STAC: variants seen among roughly 807,000 people sequenced by gnomAD.
STAC encodes the protein SH3 and cysteine-rich domain-containing protein.
A neutral mutation model predicts 48.8 loss-of-function variants in STAC; 43 were observed. The observed-to-expected ratio is 0.88, with a 90% CI of 0.69 to 1.14. STAC has a LOEUF of 1.14. Ranked by LOEUF, STAC falls within the 50% of genes most tolerant of loss-of-function variation. The pLI is 0.00. For missense variants in STAC, 497 were observed against 504.0 expected (o/e 0.99, Z 0.13); for synonymous variants, 193 against 179.5 (o/e 1.07, Z -0.60).
intron 1 of STAC, among the ~76,000 whole-genome samples, chr3:36,384,852 A>G (rs1559472783): frequency 6.6e-6 from 1 of 152,196 alleles, no homozygotes; most frequent in South Asian, 2.1e-4. Flanking sequence ...CTAACCATGA[A>G]GACGTGCCCT....
intron 1 of STAC, among the ~76,000 whole-genome samples, chr3:36,389,305 C>T (rs1270743977): frequency 6.6e-6 from 1 of 152,066 alleles, no homozygotes; most frequent in African/African-American, 2.4e-5. Context: ...CAGCAGAGGG[C>T]CTGTTTCCTG....
At chr3:36,524,653 A>C (rs1460504442) in intron 8 of STAC, among the ~76,000 whole-genome samples, 1 of 152,148 alleles carries the variant, frequency 6.6e-6, no homozygotes, top group Non-Finnish European at 1.5e-5. Flanking sequence ...TGTTACACAG[A>C]GTGGTTTCAT....
intron 1 of STAC, among the ~76,000 whole-genome samples, chr3:36,401,335 G>A (rs1007380127): frequency 7.2e-5 from 11 of 152,168 alleles, no homozygotes; most frequent in African/African-American, 2.7e-4. Flanking sequence ...TATTCTTAGA[G>A]GGTTTCTTAT....
At chr3:36,539,454 T>C (rs1391179274) in intron 10 of STAC, among the ~76,000 whole-genome samples, 3 of 152,184 alleles carry the variant, frequency 2.0e-5, no homozygotes, top group Non-Finnish European at 4.4e-5. Context: ...GAACATGCAG[T>C]ATTTTTTTGG....
At chr3:36,535,115 C>A (rs561955404) in intron 10 of STAC, among the ~76,000 whole-genome samples, 1 of 152,124 alleles carries the variant, frequency 6.6e-6, no homozygotes, top group Non-Finnish European at 1.5e-5. Context: ...GCATGGGATG[C>A]TTTTCCATTT....
At chr3:36,474,292 A>G (rs1469919882) in intron 2 of STAC, among the ~76,000 whole-genome samples, 1 of 152,244 alleles carries the variant, frequency 6.6e-6, no homozygotes, top group Non-Finnish European at 1.5e-5. Flanking sequence ...GGGCCAGGAT[A>G]GTTGCAGCCC....
intron 2 of STAC, among the ~76,000 whole-genome samples, chr3:36,479,325 T>C (rs1697582444): frequency 6.6e-6 from 1 of 152,182 alleles, no homozygotes; most frequent in Non-Finnish European, 1.5e-5. Flanking sequence ...TCCAAGTTGC[T>C]ACTGAGAAAT....
chr3:36,439,988 T>G (rs1262554424), intron 1 of STAC, among the ~76,000 whole-genome samples: 1 of 152,252 alleles, frequency 6.6e-6, no homozygotes, highest in African/African-American at 2.4e-5. Context: ...TAGTTTGAGC[T>G]GTAGGGCAGA....
intron 2 of STAC, among the ~76,000 whole-genome samples, chr3:36,455,057 A>G (rs1455580557): frequency 1.3e-5 from 2 of 152,242 alleles, no homozygotes; most frequent in Non-Finnish European, 2.9e-5. Context: ...CAGTGACTAA[A>G]TAATAGACCA....
chr3:36,475,208 T>C (rs1339097548), intron 2 of STAC, among the ~76,000 whole-genome samples: 7 of 152,176 alleles, frequency 4.6e-5, no homozygotes, highest in African/African-American at 1.7e-4. Context: ...CTCCACATCA[T>C]TACTTCACAT....
At chr3:36,514,776 T>G (rs1698629769) in intron 8 of STAC, among the ~76,000 whole-genome samples, 1 of 152,178 alleles carries the variant, frequency 6.6e-6, no homozygotes, top group Non-Finnish European at 1.5e-5. Flanking sequence ...GGCTCATGCC[T>G]GTAATCCCAA....
chr3:36,391,564 C>T (rs1047334029), intron 1 of STAC, among the ~76,000 whole-genome samples: 1 of 152,172 alleles, frequency 6.6e-6, no homozygotes, highest in African/African-American at 2.4e-5. Flanking sequence ...CCCGTTTCTT[C>T]TTCTGTGCTC....
At chr3:36,389,952 T>C (rs150580595) in intron 1 of STAC, among the ~76,000 whole-genome samples, 2 of 141,366 alleles carry the variant, frequency 1.4e-5, no homozygotes, top group Non-Finnish European at 3.1e-5. Context: ...CCTCTGTAAC[T>C]ATAATTCTCT....
intron 1 of STAC, among the ~76,000 whole-genome samples, chr3:36,399,898 C>T (rs1366477681): frequency 4.6e-5 from 7 of 152,166 alleles, no homozygotes; most frequent in African/African-American, 1.4e-4. Flanking sequence ...GCTAATTCTA[C>T]GACTTAGGCA....
chr3:36,453,204 C>T (rs552644569), intron 2 of STAC, among the ~76,000 whole-genome samples: 1 of 152,258 alleles, frequency 6.6e-6, no homozygotes, highest in Non-Finnish European at 1.5e-5. Context: ...AGCCCTTGCT[C>T]GCTCCCGGCG....
chr3:36,394,728 A>G (rs1004545573), intron 1 of STAC, among the ~76,000 whole-genome samples: 5 of 151,964 alleles, frequency 3.3e-5, no homozygotes, highest in Admixed American at 6.6e-5. Flanking sequence ...AAAACTCTGT[A>G]TCTACTAAAA....
intron 1 of STAC, among the ~76,000 whole-genome samples, chr3:36,424,099 C>T (rs1700509730): frequency 6.6e-6 from 1 of 152,100 alleles, no homozygotes. Context: ...TGACAGGCAG[C>T]ATGTAGCTGA....
At chr3:36,391,215 TCTCA>T (rs1440809973) in intron 1 of STAC, among the ~76,000 whole-genome samples, 2 of 152,190 alleles carry the variant, frequency 1.3e-5, no homozygotes, top group Non-Finnish European at 2.9e-5. Context: ...TCTTTCAATC[TCTCA>T]CTCTTACTTG....
intron 6 of STAC, among the ~76,000 whole-genome samples, chr3:36,496,900 C>A (rs1698164571): frequency 6.6e-6 from 1 of 151,988 alleles, no homozygotes; most frequent in African/African-American, 2.4e-5. Context: ...GGAAGAGAGA[C>A]AGAAGAGGAC....
Sources: allele counts gnomAD v4.1 joint callset (sites outside exome capture counted in the v4.1 genomes callset), GRCh38; gene constraint gnomAD v4.1.1; transcripts MANE v1.5; gene names NCBI Gene and HGNC (gene_info 2026-07-23, HGNC 2026-07-21).